PRMT2: variants seen among roughly 807,000 people sequenced by gnomAD.
PRMT2 encodes protein arginine methyltransferase 2.
In PRMT2, 26 loss-of-function variants were observed where a neutral mutation model predicts 57.6. The observed-to-expected ratio is 0.45, with a 90% CI of 0.33 to 0.63. The LOEUF (loss-of-function observed/expected upper bound fraction) is 0.63, where lower values mean the gene tolerates loss of function less well. Among genes scored for constraint, PRMT2 ranks in the 20% least tolerant of loss-of-function variants. PRMT2 has a pLI of 0.02. For synonymous variants in PRMT2, 219 were observed against 220.0 expected (o/e 1.00, Z 0.04); for missense variants, 472 against 564.4 (o/e 0.84, Z 1.66).
intron 10 of PRMT2, among the ~76,000 whole-genome samples, chr21:46,662,140 C>T (rs982990398): frequency 6.6e-6 from 1 of 151,946 alleles, no homozygotes; most frequent in Admixed American, 6.6e-5. Context: ...TGCCCCCTTC[C>T]GGGTCTCGCC....
At chr21:46,656,417 A>T (rs905142260) in intron 7 of PRMT2, among the ~76,000 whole-genome samples, 1 of 152,216 alleles carries the variant, frequency 6.6e-6, no homozygotes, top group Non-Finnish European at 1.5e-5. Context: ...TTTTTAAAAG[A>T]AGGGTAAAGT....
rs530210559 is a variant in PRMT2, at chr21:46,636,666, A to G, written c.-57+119A>G. The G allele has an allele frequency of 3.8e-4, 153 of 398,782 alleles. 1 individual carries two copies. Among genetic ancestry groups the G allele is most frequent in the African/African-American group, 2.9e-3 (138 of 47,944 alleles). 24.7% of individuals were successfully genotyped at this position (398,782 alleles called of 1,614,324 possible). A position where few individuals can be genotyped will look rare whatever the true frequency, so the allele number is the denominator to read the frequency against. ...AACTAACAGGCTTCAGCAAATGAACAAGATTAACACCTTGCAGACTAGTGA... is the reference window on the plus strand; with the variant it reads ...AACTAACAGGCTTCAGCAAATGAACGAGATTAACACCTTGCAGACTAGTGA... On this transcript the variant is annotated intron_variant, in intron 2 of 11. Coordinates refer to ENST00000355680, the MANE Select transcript of PRMT2 (RefSeq NM_206962.4).
At chr21:46,636,642 A>G (rs2061176652) in intron 2 of PRMT2, 95 bp downstream of exon 2, 1 of 350,796 alleles carries the variant, frequency 2.9e-6, no homozygotes, top group Non-Finnish European at 5.2e-6. Flanking sequence ...TCTAACAGAA[A>G]CTAACAGGCT....
At chr21:46,647,395 T>C (rs2061380643) in intron 5 of PRMT2, among the ~76,000 whole-genome samples, 1 of 152,204 alleles carries the variant, frequency 6.6e-6, no homozygotes. Flanking sequence ...CTTTTCTTTG[T>C]GACTTCTTTT....
In PRMT2 at chr21:46,660,481, C is replaced by T. The variant is rs75443504; in HGVS notation, c.831-352C>T. Among the ~76,000 whole-genome samples the T allele has an allele frequency of 2.1e-3, 324 of 152,352 alleles. 5 individuals are homozygous for T. Among genetic ancestry groups the T allele is most frequent in the East Asian group, 0.013 (69 of 5,190 alleles). ...TTCTAAAACTAGGCAAGACACGCTG[C>T]AACTCCCCTTGTCCTCTGGGTTATG... is the stretch of plus-strand genomic sequence containing the variant. On this transcript the variant is annotated intron_variant, in intron 8 of 11. Transcript: ENST00000355680.
chr21:46,644,603 T>G, intron 5 of PRMT2, 115 bp downstream of exon 5: 1 of 1,047,812 alleles, frequency 9.5e-7, no homozygotes, highest in South Asian at 1.9e-5. Context: ...GCTCCTCTGT[T>G]GTAGCCACTC....
intron 7 of PRMT2, chr21:46,654,899 T>G: frequency 5.1e-6 from 5 of 984,712 alleles, no homozygotes; most frequent in Non-Finnish European, 6.0e-6. Flanking sequence ...GTTATCATTT[T>G]CTTTCTTCTC....
In PRMT2 at chr21:46,664,408, T is replaced by C. The variant is rs776089759; in HGVS notation, c.*81T>C. The C allele has an allele frequency of 9.7e-6, 15 of 1,541,408 alleles. No individual in the cohort carries two copies. Among genetic ancestry groups the C allele is most frequent in the Non-Finnish European group, 1.3e-5 (15 of 1,115,746 alleles). On this transcript the variant is annotated 3_prime_UTR_variant, in exon 12 of 12. Coordinates refer to ENST00000355680, the MANE Select transcript of PRMT2 (RefSeq NM_206962.4). ...AGCAAACCAAGTTGCACCTGGCTTC[T>C]GCACACTCCTGCGAAAGTCGGTGAA... is the stretch of plus-strand genomic sequence containing the variant.
chr21:46,648,232 C>T lies in PRMT2; in HGVS notation c.328-226C>T. On this transcript the variant is annotated intron_variant, in intron 5 of 11. Coordinates refer to ENST00000355680, the MANE Select transcript of PRMT2 (RefSeq NM_206962.4). This position sits in a 1 kb window ranked among gnomAD's most constrained non-coding sequence, Gnocchi z 4.8. ...TGCACCTTTCTTGTTAAATTTGTTCCTAGGTATTTTTTGTGTATTATTACT... is the reference window on the plus strand; with the variant it reads ...TGCACCTTTCTTGTTAAATTTGTTCTTAGGTATTTTTTGTGTATTATTACT... 1 of 475,744 alleles carries T rather than the reference C, an allele frequency of 2.1e-6. No individual in the cohort carries two copies. The allele number at this position is 475,744 out of a possible 1,614,324, so 29.5% of individuals were successfully genotyped here. A position where few individuals can be genotyped will look rare whatever the true frequency, so the allele number is the denominator to read the frequency against.
chr21:46,660,757 G>T (rs1601954593), intron 8 of PRMT2, 76 bp from the exon 9 acceptor site: 2 of 1,541,620 alleles, frequency 1.3e-6, no homozygotes, highest in Non-Finnish European at 1.8e-6. Flanking sequence ...AGCACTCACC[G>T]CGGTCCCACG....
intron 7 of PRMT2, among the ~76,000 whole-genome samples, chr21:46,654,639 C>G (rs1395156359): frequency 6.6e-6 from 1 of 152,120 alleles, no homozygotes; most frequent in African/African-American, 2.4e-5. Flanking sequence ...AACAATACAA[C>G]AATAAACATC....
intron 10 of PRMT2, among the ~76,000 whole-genome samples, chr21:46,662,377 G>A (rs886416536): frequency 6.6e-6 from 1 of 152,236 alleles, no homozygotes; most frequent in African/African-American, 2.4e-5. Context: ...TCAGGGCCCT[G>A]CAGGCCTTCC....
At chr21:46,664,012 C>G (rs2061668358) in intron 11 of PRMT2, among the ~76,000 whole-genome samples, 2 of 152,194 alleles carry the variant, frequency 1.3e-5, no homozygotes. Context: ...GTAGCTCGCC[C>G]AGCTCACTTG....
In PRMT2 at chr21:46,663,549, C is replaced by A. The variant is rs779522429; in HGVS notation, c.1264C>A (p.Gln422Lys). ...CACTTCCAGACAAGACCCCACATCT[C>A]AAAAAGTAAGATACGTAGTTGTAAG... Reference protein sequence around the residue: ...AVTSRQDPTSQKVGEKVFPIW... With the variant: ...AVTSRQDPTSKKVGEKVFPIW... Residue 422 changes from glutamine (Q) to lysine (K), a missense_variant, in exon 11 of 12, where the codon CAA becomes AAA. Around this residue, in one of 2 missense-constraint regions of PRMT2, gnomAD observed 229 missense variants for 217.2 expected, o/e 1.05. Coordinates refer to ENST00000355680, the MANE Select transcript of PRMT2 (RefSeq NM_206962.4). 1 of 1,613,308 alleles carries A rather than the reference C, an allele frequency of 6.2e-7. No homozygotes were observed. The highest frequency in any genetic ancestry group is 8.5e-7 in the Non-Finnish European group (1 of 1,179,496).
At chr21:46,658,962 T>G (rs1177025993) in intron 8 of PRMT2, 42 bp downstream of exon 8, 2 of 1,588,320 alleles carry the variant, frequency 1.3e-6, no homozygotes, top group South Asian at 1.1e-5. Flanking sequence ...TTGTGGGGCC[T>G]CCTGGTCCAC....
Position 46,660,849 on chromosome 21 carries a change from G to T in PRMT2, c.847G>T (p.Glu283Ter), listed in dbSNP as rs767876752. The T allele has an allele frequency of 6.2e-7, 1 of 1,614,066 alleles. No individual in the cohort carries two copies. The highest frequency in any genetic ancestry group is 8.5e-7 in the Non-Finnish European group (1 of 1,179,968). ...TTCCCCTAGATCTTTAGCAGTTAAG[G>T]AGTTTTTTTCAAAGCCCAAGTATAA... ...LSALKSLAVKEFFSKPKYNHI... is the reference protein window; with the variant it reads ...LSALKSLAVK The change falls in exon 9 of 12, where the codon GAG becomes TAG. Residue 283 changes from glutamate (E) to a stop codon, truncating the protein, a stop_gained. Transcript: ENST00000355680. LOFTEE classifies it high-confidence loss of function.
At chr21:46,642,142 G>A (rs1320370549) in intron 3 of PRMT2, among the ~76,000 whole-genome samples, 1 of 152,152 alleles carries the variant, frequency 6.6e-6, no homozygotes, top group South Asian at 2.1e-4. Context: ...AGAGCACTGG[G>A]TGGTAAAACC....
intron 10 of PRMT2, among the ~76,000 whole-genome samples, chr21:46,662,689 C>T (rs1257325626): frequency 2.0e-5 from 3 of 152,144 alleles, no homozygotes; most frequent in Admixed American, 1.3e-4. Flanking sequence ...AAACTGGAGA[C>T]CTGAGGAGCC....
rs910440801 is a variant in PRMT2 at position 46,664,584 on chromosome 21, C to A, written c.*257C>A. ...AGTAGGCTGTGTTTCCAGGTGTTCA[C>A]CCGTGGTGCCCACAGTGCCGACCCG... On this transcript the variant is annotated 3_prime_UTR_variant, in exon 12 of 12. Transcript: ENST00000355680. 1.7e-6 allele frequency: 1 copy of A among 575,146 alleles called. No individual in the cohort carries two copies. Among genetic ancestry groups the A allele is most frequent in the African/African-American group, 1.9e-5 (1 of 53,286 alleles). The allele number at this position is 575,146 out of a possible 1,614,324, so 35.6% of individuals were successfully genotyped here.
Sources: allele counts gnomAD v4.1 joint callset (sites outside exome capture counted in the v4.1 genomes callset), GRCh38; gene constraint gnomAD v4.1.1; regional missense constraint gnomAD v4.1.1; non-coding constraint Gnocchi (gnomAD v3.1); transcripts MANE v1.5; gene names NCBI Gene and HGNC (gene_info 2026-07-23, HGNC 2026-07-21).